The following THSD7B variants were observed in gnomAD, a reference collection of about 807,000 sequenced individuals.
The protein encoded by THSD7B is thrombospondin type-1 domain-containing protein 7B.
A neutral mutation model predicts 213.6 loss-of-function variants in THSD7B; 138 were observed. That is an observed-to-expected ratio of 0.65 (90% CI 0.56 to 0.74). THSD7B has a LOEUF of 0.74. Ranked by LOEUF, THSD7B falls within the 30% of genes least tolerant of loss-of-function variation. The pLI is 0.00. For missense variants in THSD7B, 1,931 were observed against 1,991.5 expected (o/e 0.97, Z 0.58); for synonymous variants, 742 against 687.0 (o/e 1.08, Z -1.25).
At chr2:137,322,990 C>G (rs1246911190) in intron 12 of THSD7B, among the ~76,000 whole-genome samples, 1 of 152,202 alleles carries the variant, frequency 6.6e-6, no homozygotes, top group African/African-American at 2.4e-5. Flanking sequence ...ATCGACAGGA[C>G]AGCTTCATGC....
intron 5 of THSD7B, among the ~76,000 whole-genome samples, chr2:137,134,114 C>G (rs564251712): frequency 1.3e-5 from 2 of 152,292 alleles, no homozygotes; most frequent in South Asian, 4.1e-4. Flanking sequence ...CTTACAACAT[C>G]CCAATCAAGT....
At chr2:137,619,394 G>GC (rs1430174579) in intron 19 of THSD7B, among the ~76,000 whole-genome samples, 2 of 152,150 alleles carry the variant, frequency 1.3e-5, no homozygotes, top group Admixed American at 1.3e-4. Context: ...GTCACAACAC[G>GC]CTCATGCTCT....
intron 19 of THSD7B, among the ~76,000 whole-genome samples, chr2:137,618,872 G>T (rs1263353040): frequency 1.3e-5 from 2 of 152,194 alleles, no homozygotes; most frequent in African/African-American, 4.8e-5. Flanking sequence ...TGATAATACT[G>T]TCCCTTGCAT....
chr2:136,838,300 G>A (rs929098478), intron 1 of THSD7B, among the ~76,000 whole-genome samples: 10 of 152,068 alleles, frequency 6.6e-5, no homozygotes, highest in Non-Finnish European at 1.0e-4. Context: ...GGAGGGGAGA[G>A]TTTGCTTGGC....
At chr2:137,161,411 G>A (rs1177523996) in intron 6 of THSD7B, among the ~76,000 whole-genome samples, 1 of 151,710 alleles carries the variant, frequency 6.6e-6, no homozygotes, top group East Asian at 1.9e-4. Flanking sequence ...CTTGATGCTA[G>A]CATGCTTGCA....
intron 20 of THSD7B, among the ~76,000 whole-genome samples, chr2:137,632,193 T>C (rs552506187): frequency 6.6e-6 from 1 of 152,088 alleles, no homozygotes; most frequent in African/African-American, 2.4e-5. Flanking sequence ...GCTATATCAC[T>C]ATAAAAATTA....
At chr2:137,419,760 T>C (rs184360831) in intron 14 of THSD7B, among the ~76,000 whole-genome samples, 1 of 151,998 alleles carries the variant, frequency 6.6e-6, no homozygotes, top group South Asian at 2.1e-4. Flanking sequence ...TACCCAGGAC[T>C]GTCTTCAGCT....
In THSD7B at chr2:137,295,991, A is replaced by G. The variant is rs181711291; in HGVS notation, c.2500+19965A>G. 1.6e-3 allele frequency among the ~76,000 whole-genome samples: 243 copies of G among 152,254 alleles called. 1 individual carries two copies. The highest frequency in any genetic ancestry group is 2.9e-3 in the Admixed American group (45 of 15,304). On this transcript the variant is annotated intron_variant, in intron 12 of 27. Coordinates refer to ENST00000409968, the MANE Select transcript of THSD7B (RefSeq NM_001316349.2). ...TGTTTGAATTTGTTTTATGGTAGAT[A>G]TTTTACAGTCATCATTAAATAATGG...
chr2:137,610,961 G>C (rs1426591351), intron 17 of THSD7B, among the ~76,000 whole-genome samples: 1 of 148,052 alleles, frequency 6.8e-6, no homozygotes, highest in Non-Finnish European at 1.5e-5. Flanking sequence ...GGGTACATGT[G>C]CACTACATGT....
chr2:137,587,134 C>G (rs1573727357), intron 17 of THSD7B, among the ~76,000 whole-genome samples: 1 of 152,230 alleles, frequency 6.6e-6, no homozygotes, highest in Non-Finnish European at 1.5e-5. Context: ...GAATCGGCTA[C>G]TGAAGCTTGT....
At chr2:137,360,444 G>A (rs868719057) in intron 12 of THSD7B, among the ~76,000 whole-genome samples, 1 of 152,138 alleles carries the variant, frequency 6.6e-6, no homozygotes, top group Non-Finnish European at 1.5e-5. Flanking sequence ...GGGGTTGGGG[G>A]ATTTCCCTTT....
chr2:136,937,402 T>G (rs1177043765), intron 2 of THSD7B, among the ~76,000 whole-genome samples: 5 of 152,076 alleles, frequency 3.3e-5, no homozygotes, highest in Non-Finnish European at 7.4e-5. Flanking sequence ...TGTAAAACAT[T>G]TGCTGACATC....
chr2:137,245,666 A>C (rs191442676), intron 10 of THSD7B, among the ~76,000 whole-genome samples: 3 of 152,286 alleles, frequency 2.0e-5, no homozygotes, highest in Admixed American at 6.5e-5. Flanking sequence ...CACTTCCACC[A>C]TCTTCACAAC....
rs114412284 is a variant in THSD7B, at chr2:137,142,903, C to T, written c.1370-17310C>T. 8.1e-4 allele frequency among the ~76,000 whole-genome samples: 124 copies of T among 152,236 alleles called. 1 individual carries two copies. The highest frequency in any genetic ancestry group is 2.8e-3 in the African/African-American group (118 of 41,552). On this transcript the variant is annotated intron_variant, in intron 5 of 27. Transcript: ENST00000409968. ...GAATATGCCTACACAGGCATACACA[C>T]ACTTATTGAGATGAGTTCTTTTTCC...
intron 20 of THSD7B, among the ~76,000 whole-genome samples, chr2:137,628,178 A>G (rs6730630): frequency 0.38 from 57,646 of 152,056 alleles, 12,948 homozygotes; most frequent in African/African-American, 0.63. Flanking sequence ...AGAAGAGAGG[A>G]TTATTGGAGA....
intron 10 of THSD7B, among the ~76,000 whole-genome samples, chr2:137,266,165 G>C (rs1280590350): frequency 6.6e-6 from 1 of 152,170 alleles, no homozygotes; most frequent in Non-Finnish European, 1.5e-5. Flanking sequence ...TGACGTGCTA[G>C]AGAAAATTCC....
intron 7 of THSD7B, among the ~76,000 whole-genome samples, chr2:137,222,022 G>A (rs1681382440): frequency 6.6e-6 from 1 of 152,072 alleles, no homozygotes; most frequent in African/African-American, 2.4e-5. Flanking sequence ...TACTTTTCTA[G>A]CTAAGACAAA....
At chr2:137,108,229 G>C (rs775877924) in intron 4 of THSD7B, among the ~76,000 whole-genome samples, 1 of 152,116 alleles carries the variant, frequency 6.6e-6, no homozygotes, top group African/African-American at 2.4e-5. Context: ...TAAGCTTTTA[G>C]AAGAAGGAGC....
chr2:136,813,447 T>TGGAGATGA (rs1178333212), intron 1 of THSD7B, among the ~76,000 whole-genome samples: 5,122 of 152,268 alleles, frequency 0.034, 281 homozygotes, highest in African/African-American at 0.11. Context: ...CGCCTGCTCT[T>TGGAGATGA]CGAGATGACT....
Sources: allele counts gnomAD v4.1 joint callset (sites outside exome capture counted in the v4.1 genomes callset), GRCh38; gene constraint gnomAD v4.1.1; transcripts MANE v1.5; gene names NCBI Gene and HGNC (gene_info 2026-07-23, HGNC 2026-07-21).